MYO3A: variants seen among roughly 807,000 people sequenced by gnomAD.
The protein encoded by MYO3A is myosin-IIIa.
A neutral mutation model predicts 192.7 loss-of-function variants in MYO3A; 180 were observed. The ratio of observed to expected loss-of-function variants is 0.93; its 90% CI spans 0.83 to 1.06. The LOEUF (loss-of-function observed/expected upper bound fraction) is 1.06, where lower values mean the gene tolerates loss of function less well. MYO3A is among the 50% of genes least tolerant of loss of function. MYO3A has a pLI of 0.00. For missense variants in MYO3A, 1,896 were observed against 1,905.0 expected (o/e 1.00, Z 0.09); for synonymous variants, 628 against 645.3 (o/e 0.97, Z 0.41).
intron 4 of MYO3A, among the ~76,000 whole-genome samples, chr10:25,987,881 A>G (rs1471334596): frequency 6.6e-6 from 1 of 152,206 alleles, no homozygotes; most frequent in Non-Finnish European, 1.5e-5. Flanking sequence ...AAATCACTAT[A>G]TGAAAAAGAT....
At chr10:26,165,817 A>G (rs1841713204) in intron 26 of MYO3A, 2 of 570,736 alleles carry the variant, frequency 3.5e-6, no homozygotes. Context: ...AGGGGAGTGC[A>G]GTATTAAGTT....
In MYO3A at chr10:26,149,195, G is replaced by GT. The variant is rs199593351; in HGVS notation, c.2635+1644dup. On this transcript the variant is annotated intron_variant, in intron 23 of 34. Transcript: ENST00000642920. ...TTTTTAATTCCTAATTTCCTGAATG[G>GT]TTTTTTTTGTTGTTGGTTGTTTTTC... is the stretch of plus-strand genomic sequence containing the variant. Among the ~76,000 whole-genome samples, 122 of 151,066 alleles carry GT rather than the reference G, an allele frequency of 8.1e-4. No homozygotes were observed. In the East Asian group the frequency reaches 0.015, roughly 18 times the overall value.
At chr10:26,099,771 A>T (rs1837312061) in intron 17 of MYO3A, among the ~76,000 whole-genome samples, 1 of 152,194 alleles carries the variant, frequency 6.6e-6, no homozygotes, top group African/African-American at 2.4e-5. Context: ...CCACTTGATC[A>T]TGGTGGATAA....
chr10:25,939,286 AT>A (rs960410154), intron 2 of MYO3A, among the ~76,000 whole-genome samples: 2 of 151,816 alleles, frequency 1.3e-5, no homozygotes, highest in African/African-American at 4.8e-5. Flanking sequence ...GGATCTCCCT[AT>A]TTAAAAAAAA....
chr10:26,152,377 G>A (rs1031971561), intron 23 of MYO3A, among the ~76,000 whole-genome samples: 4 of 152,204 alleles, frequency 2.6e-5, no homozygotes, highest in Non-Finnish European at 5.9e-5. Context: ...AGGCTTGAAA[G>A]TGTTGAGCAG....
At chr10:26,037,775 G>A (rs554515352) in intron 10 of MYO3A, among the ~76,000 whole-genome samples, 17 of 152,220 alleles carry the variant, frequency 1.1e-4, no homozygotes, top group African/African-American at 3.1e-4. Flanking sequence ...GTGGAAGGGC[G>A]AAAGGGAAGC....
intron 20 of MYO3A, among the ~76,000 whole-genome samples, chr10:26,134,924 A>G (rs943863904): frequency 6.6e-6 from 1 of 152,220 alleles, no homozygotes; most frequent in Non-Finnish European, 1.5e-5. Context: ...TACAGACTTC[A>G]GGGACTATAT....
At chr10:26,159,009 ATTT>A (rs200816614) in intron 26 of MYO3A, among the ~76,000 whole-genome samples, 1 of 143,914 alleles carries the variant, frequency 6.9e-6, no homozygotes, top group Non-Finnish European at 1.5e-5. Context: ...ATTTCTGCTA[ATTT>A]TTTTTTTTTT....
chr10:26,189,987 AG>A (rs1843047306), intron 31 of MYO3A, among the ~76,000 whole-genome samples: 1 of 152,110 alleles, frequency 6.6e-6, no homozygotes, highest in African/African-American at 2.4e-5. Flanking sequence ...AGCTTGAACC[AG>A]GGAGGCAGAG....
intron 10 of MYO3A, among the ~76,000 whole-genome samples, chr10:26,060,660 A>T (rs1281309708): frequency 6.6e-6 from 1 of 152,248 alleles, no homozygotes; most frequent in Admixed American, 6.5e-5. Flanking sequence ...AACTTATTTA[A>T]TACTGGAAAC....
At chr10:26,124,034 T>A (rs1839041929) in intron 18 of MYO3A, among the ~76,000 whole-genome samples, 1 of 151,660 alleles carries the variant, frequency 6.6e-6, no homozygotes, top group African/African-American at 2.4e-5. Context: ...ATAATAATAA[T>A]AATAATTAGC....
chr10:26,113,486 A>G (rs184498222), intron 17 of MYO3A, among the ~76,000 whole-genome samples: 1 of 151,540 alleles, frequency 6.6e-6, no homozygotes, highest in South Asian at 2.1e-4. Flanking sequence ...CAAAAAAAAA[A>G]ACAAAAAAAA....
Position 26,016,838 on chromosome 10 carries a change from C to T in MYO3A, c.527C>T (p.Thr176Ile), listed in dbSNP as rs923953509. Residue 176 changes from threonine to isoleucine, a missense_variant, in exon 7 of 35, where the codon ACC becomes ATC. By Grantham distance (89) the Thr-to-Ile change is moderately conservative (BLOSUM62 -1). Coordinates refer to ENST00000642920, the MANE Select transcript of MYO3A (RefSeq NM_017433.5). Reference protein sequence around the residue: ...LVDFGVSAQLTSTRHRRNTSV... With the variant: ...LVDFGVSAQLISTRHRRNTSV... ...CCTCTAGGTGTGTCTGCACAGCTCA[C>T]CAGTACCCGGCACCGTCGGAACACA... 4 of 1,614,040 alleles carry T rather than the reference C, an allele frequency of 2.5e-6. No individual in the cohort carries two copies. Among genetic ancestry groups the T allele is most frequent in the Non-Finnish European group, 3.4e-6 (4 of 1,180,008 alleles).
intron 10 of MYO3A, among the ~76,000 whole-genome samples, chr10:26,062,017 C>T (rs1220272701): frequency 6.7e-6 from 1 of 148,160 alleles, no homozygotes; most frequent in Non-Finnish European, 1.5e-5. Context: ...TGGAGACCAA[C>T]TATGTGCAAA....
At chr10:25,987,439 A>G (rs1252817442) in intron 4 of MYO3A, among the ~76,000 whole-genome samples, 2 of 152,246 alleles carry the variant, frequency 1.3e-5, no homozygotes, top group Non-Finnish European at 2.9e-5. Flanking sequence ...ACAGAGTGAG[A>G]GAACATCTTC....
rs778603857 is a variant in MYO3A, at chr10:26,125,423, A to G, written c.1929A>G (p.Ala643=). The change falls in exon 19 of 35, where the codon GCA becomes GCG. Residue 643 remains alanine, a synonymous_variant. Transcript: ENST00000642920. ...ENCASLLCIR[A]DELQEALTSH... ...GTGCTTCTTTGCTTTGCATTCGGGC[A>G]GATGAGCTACAAGAAGCTCTCACCT... 3.1e-6 allele frequency: 5 copies of G among 1,614,108 alleles called. No homozygotes were observed. Among genetic ancestry groups the G allele is most frequent in the East Asian group, 2.2e-5 (1 of 44,848 alleles).
intron 4 of MYO3A, among the ~76,000 whole-genome samples, chr10:25,975,034 T>A (rs1175325493): frequency 6.6e-6 from 1 of 152,026 alleles, no homozygotes; most frequent in Non-Finnish European, 1.5e-5. Context: ...AGCAGGCACT[T>A]TGAGGGAGGG....
rs762578654 is a variant in MYO3A, at chr10:26,174,344, C to T, written c.4080C>T (p.Tyr1360=). 1.2e-6 allele frequency: 2 copies of T among 1,613,988 alleles called. No individual in the cohort carries two copies. Among genetic ancestry groups the T allele is most frequent in the Admixed American group, 1.7e-5 (1 of 59,994 alleles). The change falls in exon 30 of 35, where the codon TAC becomes TAT. Residue 1360 remains tyrosine, a synonymous_variant. Coordinates refer to ENST00000642920, the MANE Select transcript of MYO3A (RefSeq NM_017433.5). Reference sequence around the variant, plus strand: ...TCATTCAGAGCAAATACCGGGGTTACAAGAGAAGGCAGCAGTTGAGGAAGG... The same window carrying T: ...TCATTCAGAGCAAATACCGGGGTTATAAGAGAAGGCAGCAGTTGAGGAAGG... ...AVFIQSKYRG[Y]KRRQQLRKDK... is the part of the protein sequence containing the mutation.
chr10:26,057,579 A>G (rs1283986166), intron 10 of MYO3A, among the ~76,000 whole-genome samples: 1 of 152,216 alleles, frequency 6.6e-6, no homozygotes, highest in Non-Finnish European at 1.5e-5. Flanking sequence ...ACTGCTATGT[A>G]AAATGAGCTA....
Sources: gnomAD v4.1 joint callset for allele counts (sites outside exome capture counted in the v4.1 genomes callset) on GRCh38, gnomAD v4.1.1 for gene constraint, MANE v1.5 for transcripts, NCBI Gene and HGNC (gene_info 2026-07-23, HGNC 2026-07-21) for gene names.